Variants in TMEM132D observed in about 807,000 individuals in gnomAD.
TMEM132D encodes the protein mature OL transmembrane protein.
In TMEM132D, 21 loss-of-function variants were observed where a neutral mutation model predicts 62.3. The observed-to-expected ratio is 0.34, with a 90% CI of 0.24 to 0.49. TMEM132D has a LOEUF of 0.49. Among genes scored for constraint, TMEM132D ranks in the 20% least tolerant of loss-of-function variants. The pLI, the probability that TMEM132D is intolerant of heterozygous loss-of-function variation, is 0.99. For missense variants in TMEM132D, 1,346 were observed against 1,402.8 expected, an observed-to-expected ratio of 0.96 and a Z score of 0.65; for synonymous variants, 621 against 575.6, an observed-to-expected ratio of 1.08 and a Z score of -1.13.
chr12:129,269,238 G>T (rs1370412682), intron 4 of TMEM132D, among the ~76,000 whole-genome samples: 9 of 151,708 alleles, frequency 5.9e-5, no homozygotes, highest in Non-Finnish European at 1.0e-4. Flanking sequence ...TTTTTACTTG[G>T]ATCTCAGCTT....
At chr12:129,429,927 G>T (rs1273240417) in intron 3 of TMEM132D, among the ~76,000 whole-genome samples, 1 of 151,752 alleles carries the variant, frequency 6.6e-6, no homozygotes, top group Non-Finnish European at 1.5e-5. Context: ...CTTTTTTATG[G>T]CTGCATAGTA....
chr12:129,833,681 T>C (rs924706732), intron 1 of TMEM132D, among the ~76,000 whole-genome samples: 2 of 152,142 alleles, frequency 1.3e-5, no homozygotes, highest in Non-Finnish European at 2.9e-5. Context: ...TTAATGTGAA[T>C]TTGTGTTTTT....
chr12:129,461,654 A>G (rs924145603), intron 3 of TMEM132D, among the ~76,000 whole-genome samples: 1 of 146,952 alleles, frequency 6.8e-6, no homozygotes, highest in African/African-American at 2.5e-5. Flanking sequence ...GAGACCAAGG[A>G]AAGAGGAGAA....
intron 5 of TMEM132D, among the ~76,000 whole-genome samples, chr12:129,173,630 C>T (rs1310468004): frequency 2.6e-5 from 4 of 152,220 alleles, no homozygotes; most frequent in Non-Finnish European, 4.4e-5. Context: ...ATTCTAGCAC[C>T]TTCTCCTTCC....
At chr12:129,540,485 AC>A (rs2137097265) in intron 2 of TMEM132D, among the ~76,000 whole-genome samples, 1 of 146,802 alleles carries the variant, frequency 6.8e-6, no homozygotes, top group East Asian at 1.9e-4. Flanking sequence ...CATTCAACAA[AC>A]TTTTTTTTTT....
intron 3 of TMEM132D, among the ~76,000 whole-genome samples, chr12:129,474,038 T>C (rs1874184940): frequency 6.6e-6 from 1 of 152,244 alleles, no homozygotes; most frequent in South Asian, 2.1e-4. Context: ...ATGCAGTGAC[T>C]GGCAAAGCAG....
chr12:129,579,571 T>C (rs1466340226), intron 2 of TMEM132D, among the ~76,000 whole-genome samples: 1 of 151,742 alleles, frequency 6.6e-6, no homozygotes. Flanking sequence ...AATCCAAGAG[T>C]CCAAAAGCCA....
chr12:129,509,981 T>C (rs1377217784), intron 3 of TMEM132D, among the ~76,000 whole-genome samples: 1 of 152,238 alleles, frequency 6.6e-6, no homozygotes, highest in Non-Finnish European at 1.5e-5. Context: ...TTTGGGTATA[T>C]ACCGAGCAAT....
At chr12:129,453,532 G>A (rs1227331335) in intron 3 of TMEM132D, among the ~76,000 whole-genome samples, 5 of 152,176 alleles carry the variant, frequency 3.3e-5, no homozygotes, top group Admixed American at 6.5e-5. Flanking sequence ...TTTATACAGG[G>A]ATTTATTGAC....
At chr12:129,420,870 G>A (rs1238347780) in intron 3 of TMEM132D, among the ~76,000 whole-genome samples, 2 of 152,080 alleles carry the variant, frequency 1.3e-5, no homozygotes, top group African/African-American at 4.8e-5. Context: ...TGTTAGGTAT[G>A]GAGTTTGATG....
At chr12:129,782,468 C>T (rs1055449901) in intron 1 of TMEM132D, among the ~76,000 whole-genome samples, 35 of 152,130 alleles carry the variant, frequency 2.3e-4, no homozygotes, top group African/African-American at 7.0e-4. Flanking sequence ...GTGGGGGTGG[C>T]GGCTGATTGT....
intron 1 of TMEM132D, among the ~76,000 whole-genome samples, chr12:129,902,793 C>T (rs543077880): frequency 2.2e-4 from 33 of 152,248 alleles, no homozygotes; most frequent in African/African-American, 7.9e-4. Flanking sequence ...AAATAGTATT[C>T]CCATACAACA....
intron 1 of TMEM132D, among the ~76,000 whole-genome samples, chr12:129,754,955 A>G (rs1162316118): frequency 6.6e-6 from 1 of 152,214 alleles, no homozygotes; most frequent in Admixed American, 6.5e-5. Flanking sequence ...GGTGACATCT[A>G]GGCATTTTCC....
chr12:129,209,845 C>T lies in TMEM132D; in HGVS notation c.1300-182G>A, dbSNP rs1038785317. Reference sequence around the variant, plus strand: ...GGCAGCCATGAGATAATGTTCTGTCCTCACCCAGATTTCCACAGGGCAACT... The same window carrying T: ...GGCAGCCATGAGATAATGTTCTGTCTTCACCCAGATTTCCACAGGGCAACT... On this transcript the variant is annotated intron_variant, in intron 4 of 8. Transcript: ENST00000422113. 1.7e-5 allele frequency: 13 copies of T among 767,968 alleles called. No individual in the cohort carries two copies. In the African/African-American group the frequency reaches 1.8e-4, roughly 10 times the overall value. 47.6% of individuals were successfully genotyped at this position (767,968 alleles called of 1,614,324 possible).
intron 3 of TMEM132D, among the ~76,000 whole-genome samples, chr12:129,386,826 C>T (rs535440081): frequency 6.6e-6 from 1 of 151,542 alleles, no homozygotes; most frequent in African/African-American, 2.4e-5. Flanking sequence ...ATGCCGATGC[C>T]AACACTATCA....
In TMEM132D at chr12:129,699,911, G is replaced by T. The variant is rs1437970397; in HGVS notation, c.867C>A (p.Ser289Arg). The T allele has an allele frequency of 6.2e-7, 1 of 1,614,170 alleles. No individual in the cohort carries two copies. Reference sequence around the variant, plus strand: ...TCTTTGGTATATAGTGGATGGCCACGCTGTTGTCCAGACGCAGTTCTCTCA... The same window carrying T: ...TCTTTGGTATATAGTGGATGGCCACTCTGTTGTCCAGACGCAGTTCTCTCA... ...PSLRELRLDN[S>R]VAIHYIPKTV... The change falls in exon 2 of 9, where the codon AGC (serine) becomes AGA (arginine). Residue 289 changes from serine to arginine, a missense_variant. Transcript: ENST00000422113.
At chr12:129,129,846 C>T (rs1016475812) in intron 5 of TMEM132D, among the ~76,000 whole-genome samples, 1 of 152,138 alleles carries the variant, frequency 6.6e-6, no homozygotes, top group African/African-American at 2.4e-5. Flanking sequence ...TATGCCTCCT[C>T]AGGTCCTCAG....
chr12:129,484,200 G>A (rs1477895492), intron 3 of TMEM132D, among the ~76,000 whole-genome samples: 8 of 152,088 alleles, frequency 5.3e-5, no homozygotes, highest in Admixed American at 3.3e-4. Flanking sequence ...GAACTCCTGA[G>A]CTCAGATGAT....
chr12:129,391,908 C>G (rs1035016131), intron 3 of TMEM132D, among the ~76,000 whole-genome samples: 5 of 151,604 alleles, frequency 3.3e-5, no homozygotes, highest in Non-Finnish European at 5.9e-5. Flanking sequence ...AGGCGCCCAC[C>G]ACCATGCCCA....
Sources: allele counts gnomAD v4.1 joint callset (sites outside exome capture counted in the v4.1 genomes callset), GRCh38; gene constraint gnomAD v4.1.1; transcripts MANE v1.5; gene names NCBI Gene and HGNC (gene_info 2026-07-23, HGNC 2026-07-21).